The following RGS6 variants were observed in gnomAD, a reference collection of about 807,000 sequenced individuals.
RGS6 encodes regulator of G protein signaling 6, also known as regulator of G-protein signaling 6.
Under a neutral mutation model 78.5 loss-of-function variants are expected in RGS6, and 30 were observed. That is an observed-to-expected ratio of 0.38 (90% CI 0.29 to 0.52). The LOEUF is 0.52. Among genes scored for constraint, RGS6 ranks in the 20% least tolerant of loss-of-function variants. RGS6 has a pLI of 0.85. For missense variants in RGS6, 495 were observed against 609.7 expected (o/e 0.81, Z 1.98); for synonymous variants, 206 against 206.0 (o/e 1.00, Z 0.00).
At chr14:72,296,503 G>T (rs1044325213) in intron 2 of RGS6, among the ~76,000 whole-genome samples, 1 of 152,050 alleles carries the variant, frequency 6.6e-6, no homozygotes, top group African/African-American at 2.4e-5. Flanking sequence ...AATATTATCA[G>T]CCTTTAAAAT....
chr14:72,584,650 A>T, the RGS6 span, among the ~76,000 whole-genome samples: 2 of 152,194 alleles, frequency 1.3e-5, 1 homozygote, highest in South Asian at 4.1e-4. Context: ...TACAGAGAGT[A>T]AAGCGCCAGC....
At chr14:72,561,965 G>C (rs2097681905) in intron 17 of RGS6, among the ~76,000 whole-genome samples, 1 of 152,144 alleles carries the variant, frequency 6.6e-6, no homozygotes, top group Non-Finnish European at 1.5e-5. Context: ...TCATTCATTA[G>C]CTTCTGATCA....
At chr14:71,922,898 C>T in the RGS6 span, among the ~76,000 whole-genome samples, 147 of 142,212 alleles carry the variant, frequency 1.0e-3, no homozygotes, top group South Asian at 2.2e-3. Flanking sequence ...AAAAAAGGAA[C>T]CTAGATGCTA....
chr14:72,131,310 C>T (rs1275750445), intron 2 of RGS6, among the ~76,000 whole-genome samples: 2 of 152,128 alleles, frequency 1.3e-5, no homozygotes, highest in Non-Finnish European at 2.9e-5. Flanking sequence ...CTGGAGTCTT[C>T]TTTTTAGGAT....
the RGS6 span, among the ~76,000 whole-genome samples, chr14:72,610,325 A>C: frequency 0.024 from 3,674 of 152,264 alleles, 158 homozygotes; most frequent in African/African-American, 0.085. Context: ...TAGGCAGCTC[A>C]TTCCCAGGGA....
chr14:72,171,156 A>G (rs1177586710), intron 2 of RGS6, among the ~76,000 whole-genome samples: 1 of 152,130 alleles, frequency 6.6e-6, no homozygotes, highest in Non-Finnish European at 1.5e-5. Flanking sequence ...ACACACATAC[A>G]TGCACACGTG....
Position 72,513,115 on chromosome 14 carries a change from T to C in RGS6, c.1091+2836T>C, listed in dbSNP as rs146558855. Among the ~76,000 whole-genome samples, 10 of 152,318 alleles carry C rather than the reference T, an allele frequency of 6.6e-5. No homozygotes were observed. In the East Asian group the frequency reaches 1.9e-3, roughly 29 times the overall value. ...CTGACCAGAACTCACCTGGGTAAAT[T>C]ACAAAGTGCTTCTCCACTTCCTCTG... On this transcript the variant is annotated intron_variant, in intron 14 of 17. Coordinates refer to ENST00000553525, the MANE Select transcript of RGS6 (RefSeq NM_001204424.2).
intron 2 of RGS6, among the ~76,000 whole-genome samples, chr14:72,313,917 T>A (rs987601140): frequency 6.6e-6 from 1 of 152,252 alleles, no homozygotes; most frequent in African/African-American, 2.4e-5. Context: ...TCATTTACTT[T>A]TCCCAGCTTT....
intron 2 of RGS6, among the ~76,000 whole-genome samples, chr14:72,074,279 C>T (rs1446189974): frequency 1.3e-5 from 2 of 152,204 alleles, no homozygotes; most frequent in Non-Finnish European, 2.9e-5. Flanking sequence ...GCACTGCAGC[C>T]TCAAACTTCT....
At chr14:72,108,208 C>T (rs1271268283) in intron 2 of RGS6, among the ~76,000 whole-genome samples, 2 of 152,038 alleles carry the variant, frequency 1.3e-5, no homozygotes, top group African/African-American at 4.8e-5. Context: ...GATATAAAAT[C>T]CTTGGCTTAT....
chr14:72,117,679 G>A (rs1377522185), intron 2 of RGS6, among the ~76,000 whole-genome samples: 1 of 152,134 alleles, frequency 6.6e-6, no homozygotes, highest in Non-Finnish European at 1.5e-5. Flanking sequence ...CTTGTGCATG[G>A]GTCATGGTGC....
intron 3 of RGS6, among the ~76,000 whole-genome samples, chr14:72,395,511 A>G (rs762226963): frequency 5.9e-5 from 9 of 151,880 alleles, no homozygotes; most frequent in Non-Finnish European, 1.0e-4. Flanking sequence ...ACCCTCATAT[A>G]ATTTTTTTTA....
At position 72,549,840 on chromosome 14, in the gene RGS6, C is replaced by T. The variant is rs149017089; in HGVS notation, c.1422+9746C>T. On this transcript the variant is annotated intron_variant, in intron 17 of 17. Coordinates refer to ENST00000553525, the MANE Select transcript of RGS6 (RefSeq NM_001204424.2). ...TTGCACCACCTCACTCCAGCCTGGG[C>T]GACAGAGCAAAACTCCATCCCCATC... Among the ~76,000 whole-genome samples, 76 of 152,280 alleles carry T rather than the reference C, an allele frequency of 5.0e-4. No homozygotes were observed. The East Asian group carries it at 0.013, about 25-fold the overall frequency.
chr14:72,109,241 G>T (rs2095701103), intron 2 of RGS6, among the ~76,000 whole-genome samples: 1 of 151,818 alleles, frequency 6.6e-6, no homozygotes, highest in South Asian at 2.1e-4. Context: ...GTAACAATTT[G>T]TGATTTATCC....
chr14:72,015,742 T>A (rs981368409), intron 2 of RGS6, among the ~76,000 whole-genome samples: 2 of 152,204 alleles, frequency 1.3e-5, no homozygotes, highest in African/African-American at 4.8e-5. Flanking sequence ...GTTATCAGAT[T>A]TTTAATTTTT....
chr14:72,522,617 G>A (rs984960037), intron 15 of RGS6, among the ~76,000 whole-genome samples: 2 of 152,122 alleles, frequency 1.3e-5, no homozygotes, highest in African/African-American at 4.8e-5. Context: ...GAGGACCTAT[G>A]GCTGTGTTTA....
intron 2 of RGS6, among the ~76,000 whole-genome samples, chr14:71,986,702 C>A (rs2094725287): frequency 6.6e-6 from 1 of 152,092 alleles, no homozygotes; most frequent in East Asian, 1.9e-4. Context: ...CAGAGTGAGA[C>A]CCTGTCTCAA....
chr14:71,867,586 A>G, the RGS6 span, among the ~76,000 whole-genome samples: 1 of 152,118 alleles, frequency 6.6e-6, no homozygotes, highest in Non-Finnish European at 1.5e-5. Flanking sequence ...GGGCCTGGAG[A>G]GAATCATCTG....
At position 72,253,648 on chromosome 14, in the gene RGS6, G is replaced by A. The variant is rs113664897; in HGVS notation, c.85-98447G>A. Among the ~76,000 whole-genome samples the A allele has an allele frequency of 7.8e-3, 1,183 of 152,268 alleles. 16 individuals are homozygous for A. The highest frequency in any genetic ancestry group is 0.027 in the African/African-American group (1,121 of 41,558). On this transcript the variant is annotated intron_variant, in intron 2 of 17. Transcript: ENST00000553525. ...TTGCTTCCTCACCTCCTTGAAGTTG[G>A]ATGTGGCCAGTGAAGTTGGGTGTGG...
Sources: gnomAD v4.1 joint callset for allele counts (sites outside exome capture counted in the v4.1 genomes callset) on GRCh38, gnomAD v4.1.1 for gene constraint, MANE v1.5 for transcripts, NCBI Gene and HGNC (gene_info 2026-07-23, HGNC 2026-07-21) for gene names.